Variants in CSMD1 observed in about 807,000 individuals in gnomAD.
CSMD1 encodes the protein CUB and Sushi multiple domains 1.
A neutral mutation model predicts 417.5 loss-of-function variants in CSMD1; 213 were observed. That is an observed-to-expected ratio of 0.51 (90% CI 0.46 to 0.57). The LOEUF is 0.57. CSMD1 is among the 20% of genes least tolerant of loss of function. The probability of loss-of-function intolerance (pLI) is 0.00; values close to 1 mark genes in which losing one functional copy is unlikely to be tolerated. For synonymous variants in CSMD1, 2,862 were observed against 1,736.8 expected (o/e 1.65, Z -16.11); for missense variants, 6,923 against 4,529.7 (o/e 1.53, Z -15.17).
chr8:4,375,573 A>C (rs117920819), intron 3 of CSMD1, among the ~76,000 whole-genome samples: 1 of 152,082 alleles, frequency 6.6e-6, no homozygotes, highest in East Asian at 1.9e-4. Flanking sequence ...TAGCATTTCA[A>C]CTGAAGACTC....
intron 1 of CSMD1, among the ~76,000 whole-genome samples, chr8:4,667,364 G>A (rs528731703): frequency 1.4e-4 from 22 of 151,958 alleles, no homozygotes; most frequent in Admixed American, 2.6e-4. Context: ...AAACATTCGA[G>A]AGTGAATTTG....
At chr8:3,072,536 G>T (rs950035957) in intron 49 of CSMD1, among the ~76,000 whole-genome samples, 1 of 152,192 alleles carries the variant, frequency 6.6e-6, no homozygotes, top group South Asian at 2.1e-4. Context: ...ATACTTGGAA[G>T]AGCACAGTTC....
intron 3 of CSMD1, among the ~76,000 whole-genome samples, chr8:4,389,146 C>G (rs1019852096): frequency 6.6e-6 from 1 of 152,186 alleles, no homozygotes; most frequent in Non-Finnish European, 1.5e-5. Context: ...TGTTCTAAAG[C>G]TTTTCATTAA....
At chr8:4,179,373 A>G (rs907218761) in intron 3 of CSMD1, among the ~76,000 whole-genome samples, 4 of 152,214 alleles carry the variant, frequency 2.6e-5, no homozygotes, top group East Asian at 1.9e-4. Context: ...CTGGCTAGCC[A>G]TATGTAGAAA....
intron 3 of CSMD1, among the ~76,000 whole-genome samples, chr8:4,323,401 C>A (rs142712271): frequency 3.3e-5 from 5 of 152,276 alleles, no homozygotes; most frequent in Middle Eastern, 3.4e-3. Context: ...AATTTCACAG[C>A]CTTGTTCCAT....
At chr8:3,809,474 C>T (rs1800939155) in intron 5 of CSMD1, among the ~76,000 whole-genome samples, 1 of 152,202 alleles carries the variant, frequency 6.6e-6, no homozygotes, top group Admixed American at 6.5e-5. Flanking sequence ...ATAGTTCATA[C>T]TGGGCTGCGT....
intron 1 of CSMD1, among the ~76,000 whole-genome samples, chr8:4,791,651 A>T (rs1797696448): frequency 1.3e-5 from 2 of 152,194 alleles, no homozygotes; most frequent in South Asian, 4.1e-4. Context: ...AAATGGGCCC[A>T]ACACAGAAGG....
At chr8:3,812,944 T>C (rs1801165211) in intron 5 of CSMD1, among the ~76,000 whole-genome samples, 1 of 152,178 alleles carries the variant, frequency 6.6e-6, no homozygotes, top group African/African-American at 2.4e-5. Flanking sequence ...GTCAGGTATC[T>C]ATCATGGTAA....
chr8:3,918,225 G>C (rs1478933875), intron 5 of CSMD1, among the ~76,000 whole-genome samples: 2 of 152,064 alleles, frequency 1.3e-5, no homozygotes, highest in African/African-American at 2.4e-5. Context: ...AGTGGGGATT[G>C]CTGGGTCATA....
intron 3 of CSMD1, among the ~76,000 whole-genome samples, chr8:4,241,715 T>A (rs891906078): frequency 6.6e-6 from 1 of 151,994 alleles, no homozygotes; most frequent in African/African-American, 2.4e-5. Context: ...TTTCTTTTTT[T>A]TTTTTTGAGA....
intron 5 of CSMD1, among the ~76,000 whole-genome samples, chr8:3,823,394 G>C (rs1025921061): frequency 3.3e-5 from 5 of 152,108 alleles, no homozygotes; most frequent in Non-Finnish European, 7.4e-5. Context: ...AATACTGTTA[G>C]ATTTCAAGGC....
Position 3,971,236 on chromosome 8 carries a change from C to T in CSMD1, c.818+26667G>A, listed in dbSNP as rs2688352. ...GCGCTGCTTCTGCCTACAGACCATG[C>T]GCACTTCTGCCTGAGTTTTTAATCT... On this transcript the variant is annotated intron_variant, in intron 5 of 69. Coordinates refer to ENST00000635120, the MANE Select transcript of CSMD1 (RefSeq NM_033225.6). Among the ~76,000 whole-genome samples the T allele has an allele frequency of 4.5e-4, 69 of 152,094 alleles. No individual in the cohort carries two copies. In the East Asian group the frequency reaches 0.012, roughly 27 times the overall value.
intron 3 of CSMD1, among the ~76,000 whole-genome samples, chr8:4,309,580 A>T (rs1798445600): frequency 6.6e-6 from 1 of 152,284 alleles, no homozygotes; most frequent in South Asian, 2.1e-4. Context: ...CTCTCAGTTC[A>T]TATGAAATTC....
Position 4,944,156 on chromosome 8 carries a change from C to G in CSMD1, c.85+50176G>C, listed in dbSNP as rs73659083. ...TTAGGCATCTGAATATCTTGGAAGT[C>G]TCATGAAAGAGAAAAAATCCACGAA... On this transcript the variant is annotated intron_variant, in intron 1 of 69. Transcript: ENST00000635120. Among the ~76,000 whole-genome samples the G allele has an allele frequency of 1.2e-3, 186 of 152,180 alleles. 1 individual carries two copies. Among genetic ancestry groups the G allele is most frequent in the African/African-American group, 4.3e-3 (179 of 41,514 alleles).
chr8:4,296,732 C>G (rs1395365403), intron 3 of CSMD1, among the ~76,000 whole-genome samples: 3 of 116,662 alleles, frequency 2.6e-5, no homozygotes, highest in African/African-American at 9.6e-5. Flanking sequence ...GGCTTACACT[C>G]TATTGGGTAT....
At chr8:4,107,316 T>C (rs185718349) in intron 3 of CSMD1, among the ~76,000 whole-genome samples, 14 of 152,146 alleles carry the variant, frequency 9.2e-5, no homozygotes, top group African/African-American at 3.4e-4. Flanking sequence ...CTTCCTGAAA[T>C]AGAGAGGATT....
At chr8:4,575,778 T>G (rs1344297) in intron 2 of CSMD1, among the ~76,000 whole-genome samples, 124 of 152,112 alleles carry the variant, frequency 8.2e-4, no homozygotes, top group East Asian at 5.0e-3. Context: ...TTATCAACAA[T>G]TGCTGGTCTC....
intron 6 of CSMD1, among the ~76,000 whole-genome samples, chr8:3,728,354 A>G (rs1424821343): frequency 6.6e-6 from 1 of 152,172 alleles, no homozygotes; most frequent in Non-Finnish European, 1.5e-5. Flanking sequence ...GGAGTCCATT[A>G]AACCTCGTTC....
chr8:3,248,270 C>G (rs1445494844), intron 26 of CSMD1, among the ~76,000 whole-genome samples: 1 of 152,164 alleles, frequency 6.6e-6, no homozygotes. Context: ...AGGGTGATGA[C>G]ACGTTCAGCC....
Sources: allele counts gnomAD v4.1 joint callset (sites outside exome capture counted in the v4.1 genomes callset), GRCh38; gene constraint gnomAD v4.1.1; transcripts MANE v1.5; gene names NCBI Gene and HGNC (gene_info 2026-07-23, HGNC 2026-07-21).